The following ABLIM2 variants were observed in gnomAD, a reference collection of about 807,000 sequenced individuals.
The protein encoded by ABLIM2 is actin binding LIM protein family member 2.
Under a neutral mutation model 97.7 loss-of-function variants are expected in ABLIM2, and 53 were observed. That is an observed-to-expected ratio of 0.54 (90% CI 0.44 to 0.68). The LOEUF (loss-of-function observed/expected upper bound fraction) is 0.68, where lower values mean the gene tolerates loss of function less well. Among genes scored for constraint, ABLIM2 ranks in the 30% least tolerant of loss-of-function variants. The pLI is 0.00. For synonymous variants in ABLIM2, 361 were observed against 345.8 expected (o/e 1.04, Z -0.49); for missense variants, 835 against 867.2 (o/e 0.96, Z 0.47).
chr4:7,975,572 C>T (rs1233265289), intron 20 of ABLIM2, among the ~76,000 whole-genome samples: 1 of 152,234 alleles, frequency 6.6e-6, no homozygotes, highest in Non-Finnish European at 1.5e-5. Context: ...TGCTGCTCCA[C>T]TAAATGATGT....
At chr4:8,145,813 T>C (rs771201706) in intron 1 of ABLIM2, among the ~76,000 whole-genome samples, 1 of 149,638 alleles carries the variant, frequency 6.7e-6, no homozygotes, top group Non-Finnish European at 1.5e-5. Context: ...TTGTAACATG[T>C]CAATACCGCT....
chr4:8,082,226 G>T lies in ABLIM2; in HGVS notation c.455-1424C>A, dbSNP rs1434178471. Among the ~76,000 whole-genome samples the T allele has an allele frequency of 6.6e-6, 1 of 152,132 alleles. No individual in the cohort carries two copies. The highest frequency in any genetic ancestry group is 2.4e-5 in the African/African-American group (1 of 41,410). On this transcript the variant is annotated intron_variant, in intron 4 of 20. Transcript: ENST00000447017. The surrounding 1 kb of genome is among the most constrained non-coding windows in gnomAD (Gnocchi z 5.6). ...AAACCTCTACCCAAGATGGAAAGAAGGTGGCCCCAGGGCCCGACGTGCTGG... is the reference window on the plus strand; with the variant it reads ...AAACCTCTACCCAAGATGGAAAGAATGTGGCCCCAGGGCCCGACGTGCTGG...
At chr4:7,979,814 C>A (rs1159540691) in intron 20 of ABLIM2, among the ~76,000 whole-genome samples, 1 of 152,200 alleles carries the variant, frequency 6.6e-6, no homozygotes, top group African/African-American at 2.4e-5. Flanking sequence ...TAGGGCATTG[C>A]ATTCCTTGGG....
chr4:8,058,168 C>T lies in ABLIM2; in HGVS notation c.763+2799G>A, dbSNP rs768185169. Among the ~76,000 whole-genome samples, 10 of 152,234 alleles carry T rather than the reference C, an allele frequency of 6.6e-5. No homozygotes were observed. Among genetic ancestry groups the T allele is most frequent in the Non-Finnish European group, 7.3e-5 (5 of 68,034 alleles). ...CAAGGCCATTGTGCTCAGTGTCCAC[C>T]GTGCCCCACTGTCTAAGGGTGCCCT... On this transcript the variant is annotated intron_variant, in intron 7 of 20. Transcript: ENST00000447017. This position sits in a 1 kb window ranked among gnomAD's most constrained non-coding sequence, Gnocchi z 4.2.
At chr4:8,096,532 A>T (rs1356656143) in intron 3 of ABLIM2, among the ~76,000 whole-genome samples, 1 of 152,178 alleles carries the variant, frequency 6.6e-6, no homozygotes, top group Non-Finnish European at 1.5e-5. Flanking sequence ...CGAAGGTTCC[A>T]TTTCTGTCTC....
chr4:7,991,576 C>T (rs1007736504), intron 17 of ABLIM2, among the ~76,000 whole-genome samples: 5 of 152,220 alleles, frequency 3.3e-5, no homozygotes, highest in Non-Finnish European at 7.3e-5. Context: ...GTCCAGCTCT[C>T]TTATCTCCCC....
intron 17 of ABLIM2, among the ~76,000 whole-genome samples, chr4:7,985,595 C>T (rs1221473099): frequency 3.3e-5 from 5 of 152,198 alleles, no homozygotes; most frequent in African/African-American, 1.2e-4. Flanking sequence ...GTACTCACGG[C>T]AGCTCTGCGT....
Position 8,023,845 on chromosome 4 carries a change from C to T in ABLIM2, c.1268-3542G>A, listed in dbSNP as rs1467708517. Among the ~76,000 whole-genome samples the T allele has an allele frequency of 2.0e-5, 3 of 152,200 alleles. No individual in the cohort carries two copies. Among genetic ancestry groups the T allele is most frequent in the African/African-American group, 4.8e-5 (2 of 41,446 alleles). On this transcript the variant is annotated intron_variant, in intron 12 of 20. Transcript: ENST00000447017. The surrounding 1 kb of genome is among the most constrained non-coding windows in gnomAD (Gnocchi z 5.7). ...TCTAGTTTACAATCCAATGACACATCCTTCATCGTGGTGCTCCCAGTGGCC... is the reference window on the plus strand; with the variant it reads ...TCTAGTTTACAATCCAATGACACATTCTTCATCGTGGTGCTCCCAGTGGCC...
At chr4:8,007,133 C>T (rs144676997) in intron 16 of ABLIM2, 58 of 985,404 alleles carry the variant, frequency 5.9e-5, no homozygotes, top group African/African-American at 4.2e-4. Context: ...TTAAGTAGGA[C>T]GGTTTACAGT....
At chr4:8,116,556 T>C (rs553809162) in intron 1 of ABLIM2, among the ~76,000 whole-genome samples, 1 of 152,354 alleles carries the variant, frequency 6.6e-6, no homozygotes, top group East Asian at 1.9e-4. Flanking sequence ...TGCAGACAAA[T>C]GGCTCCATCT....
In ABLIM2 at chr4:8,036,299, A is replaced by G; in HGVS notation, c.901-4T>C. ...GGATCTCACCACCAAGCTTGGCCTG[A>G]GAGGGGAAAGAGAATTGGGGAGGGG... is the stretch of plus-strand genomic sequence containing the variant. On this transcript the variant is annotated splice_polypyrimidine_tract_variant and splice_region_variant and intron_variant, in intron 9 of 20. Coordinates refer to ENST00000447017, the MANE Select transcript of ABLIM2 (RefSeq NM_001130083.2). The G allele has an allele frequency of 6.2e-7, 1 of 1,613,280 alleles. No individual in the cohort carries two copies. The highest frequency in any genetic ancestry group is 8.5e-7 in the Non-Finnish European group (1 of 1,179,512).
intron 14 of ABLIM2, chr4:8,010,639 C>T: frequency 2.1e-6 from 2 of 943,094 alleles, no homozygotes; most frequent in South Asian, 9.8e-5. Flanking sequence ...CCTGTTTCTC[C>T]TTCTTCCAGG....
rs111970575 is a variant in ABLIM2, at chr4:8,110,370, G to C, written c.11-3733C>G. Among the ~76,000 whole-genome samples, 992 of 152,260 alleles carry C rather than the reference G, an allele frequency of 6.5e-3. 12 individuals carry two copies. Among genetic ancestry groups the C allele is most frequent in the African/African-American group, 0.023 (938 of 41,530 alleles). The stretch of plus-strand genomic sequence containing the variant: ...ACAGCGCGGGTGGTGGGGTCAGCTG[G>C]CCTGGGATGCAGGCTTAGCTGGCCT... On this transcript the variant is annotated intron_variant, in intron 1 of 20. Coordinates refer to ENST00000447017, the MANE Select transcript of ABLIM2 (RefSeq NM_001130083.2).
chr4:7,992,761 C>A lies in ABLIM2; in HGVS notation c.1680+105G>T, dbSNP rs1337797387. 1 of 1,312,356 alleles carries A rather than the reference C, an allele frequency of 7.6e-7. No individual in the cohort carries two copies. Among genetic ancestry groups the A allele is most frequent in the Admixed American group, 2.0e-5 (1 of 50,664 alleles). The allele number at this position is 1,312,356 out of a possible 1,614,324, so 81.3% of individuals were successfully genotyped here. ...GGCAGAGGCAGGTGGGCCGCGGGGTCCCCGGGGCCTCTCCTCCTGCTGTGT... is the reference window on the plus strand; with the variant it reads ...GGCAGAGGCAGGTGGGCCGCGGGGTACCCGGGGCCTCTCCTCCTGCTGTGT... On this transcript the variant is annotated intron_variant, in intron 17 of 20. Coordinates refer to ENST00000447017, the MANE Select transcript of ABLIM2 (RefSeq NM_001130083.2). This position sits in a 1 kb window ranked among gnomAD's most constrained non-coding sequence, Gnocchi z 5.7.
rs538698050 is a variant in ABLIM2, at chr4:8,013,740, C to T, written c.1424-4638G>A. 4.9e-4 allele frequency among the ~76,000 whole-genome samples: 75 copies of T among 152,326 alleles called. 1 individual carries two copies. The highest frequency in any genetic ancestry group is 1.7e-3 in the African/African-American group (71 of 41,566). ...GGCTGCATCGCCACTGACTTTGCTTCCTGTGACTTGTACAAATCCACTTTC... is the reference window on the plus strand; with the variant it reads ...GGCTGCATCGCCACTGACTTTGCTTTCTGTGACTTGTACAAATCCACTTTC... On this transcript the variant is annotated intron_variant, in intron 14 of 20. Transcript: ENST00000447017.
Position 8,009,120 on chromosome 4 carries a change from A to G in ABLIM2, c.1424-18T>C, listed in dbSNP as rs776186000. ...CCTGGCAGCTGGAAGGGAAAAATCC[A>G]TTTGTAAAGGCCACACACCATTGCT... On this transcript the variant is annotated intron_variant, in intron 14 of 20. Coordinates refer to ENST00000447017, the MANE Select transcript of ABLIM2 (RefSeq NM_001130083.2). The G allele has an allele frequency of 6.2e-7, 1 of 1,614,012 alleles. No individual in the cohort carries two copies. Among genetic ancestry groups the G allele is most frequent in the Non-Finnish European group, 8.5e-7 (1 of 1,179,872 alleles).
Position 8,080,759 on chromosome 4 carries a change from C to A in ABLIM2, c.498G>T (p.Leu166=), listed in dbSNP as rs976391576. Residue 166 remains leucine, a synonymous_variant, in exon 5 of 21, where the codon CTG becomes CTT. Coordinates refer to ENST00000447017, the MANE Select transcript of ABLIM2 (RefSeq NM_001130083.2). ...AGTGCCAGTGCTTGTCCAAGGCTAC[C>A]AGGGCCTGGCCATTCTTGATTTCTG... ...CGTEIKNGQA[L]VALDKHWHLG... is the part of the protein sequence containing the mutation. 13 of 1,612,100 alleles carry A rather than the reference C, an allele frequency of 8.1e-6. No homozygotes were observed. The highest frequency in any genetic ancestry group is 9.3e-6 in the Non-Finnish European group (11 of 1,178,782).
chr4:8,112,823 A>C lies in ABLIM2; in HGVS notation c.11-6186T>G, dbSNP rs563634188. On this transcript the variant is annotated intron_variant, in intron 1 of 20. Coordinates refer to ENST00000447017, the MANE Select transcript of ABLIM2 (RefSeq NM_001130083.2). This position sits in a 1 kb window ranked among gnomAD's most constrained non-coding sequence, Gnocchi z 4.2. ...CGGCTAAGAGACTGAGGCCCAGCTC[A>C]GGTGTGTCCGAGGCTCCTCCTCCCA... Among the ~76,000 whole-genome samples the C allele has an allele frequency of 1.3e-5, 2 of 152,332 alleles. No homozygotes were observed. The highest frequency in any genetic ancestry group is 4.1e-4 in the South Asian group (2 of 4,828).
At chr4:8,084,809 A>G (rs1822269566) in intron 4 of ABLIM2, among the ~76,000 whole-genome samples, 1 of 152,050 alleles carries the variant, frequency 6.6e-6, no homozygotes, top group Admixed American at 6.5e-5. Context: ...CCCACATCAA[A>G]GGCCCAGAGA....
Sources: allele counts gnomAD v4.1 joint callset (sites outside exome capture counted in the v4.1 genomes callset), GRCh38; gene constraint gnomAD v4.1.1; non-coding constraint Gnocchi (gnomAD v3.1); transcripts MANE v1.5; gene names NCBI Gene and HGNC (gene_info 2026-07-23, HGNC 2026-07-21).